Variants in SPATA16 observed in about 807,000 individuals in gnomAD.
The protein encoded by SPATA16 is spermatogenesis-associated protein 16.
SPATA16 carries 36 observed loss-of-function variants against 63.3 expected under a neutral mutation model. The ratio of observed to expected loss-of-function variants is 0.57; its 90% confidence interval spans 0.44 to 0.75. SPATA16 has a LOEUF of 0.75. Ranked by LOEUF, SPATA16 falls within the 30% of genes least tolerant of loss-of-function variation. SPATA16 has a pLI of 0.00. For missense variants in SPATA16, 646 were observed against 679.3 expected, an observed-to-expected ratio of 0.95 and a Z score of 0.54; for synonymous variants, 203 against 216.7, an observed-to-expected ratio of 0.94 and a Z score of 0.56.
At chr3:173,123,499 T>A (rs892834946) in intron 1 of SPATA16, among the ~76,000 whole-genome samples, 1 of 152,202 alleles carries the variant, frequency 6.6e-6, no homozygotes, top group Non-Finnish European at 1.5e-5. Flanking sequence ...ACTTTACTGC[T>A]GCTTTACTGG....
Position 173,130,358 on chromosome 3 carries a change from CAAAAAA to C in SPATA16, c.-19+10739_-19+10744del, listed in dbSNP as rs1202660573. 3.0e-3 allele frequency among the ~76,000 whole-genome samples: 119 copies of C among 39,906 alleles called. 1 individual carries two copies. The highest frequency in any genetic ancestry group is 0.012 in the Middle Eastern group (1 of 82). 26.2% of individuals were successfully genotyped at this position (39,906 alleles called of 152,430 possible). A position where few individuals can be genotyped will look rare whatever the true frequency, so the allele number is the denominator to read the frequency against. ...CTGGCGACAGAGTGAGACTTCGTCT[CAAAAAA>C]AAAAAAAAAAAAAAAAAAAGAAATT... On this transcript the variant is annotated intron_variant, in intron 1 of 10. Transcript: ENST00000351008.
chr3:172,892,753 A>G (rs1401717515), intron 10 of SPATA16, among the ~76,000 whole-genome samples: 3 of 152,262 alleles, frequency 2.0e-5, no homozygotes, highest in African/African-American at 7.2e-5. Context: ...ATGTAAGTAC[A>G]CAAGAAAGGA....
intron 8 of SPATA16, among the ~76,000 whole-genome samples, chr3:172,919,652 A>G (rs1732574576): frequency 1.3e-5 from 2 of 151,654 alleles, no homozygotes; most frequent in South Asian, 2.1e-4. Context: ...TTTGTACATT[A>G]TATGTTCATT....
chr3:173,059,298 A>T (rs1474448554), intron 2 of SPATA16, among the ~76,000 whole-genome samples: 44 of 132,904 alleles, frequency 3.3e-4, no homozygotes, highest in African/African-American at 5.3e-4. Flanking sequence ...TCCTCTTTTG[A>T]TTTCCTTAGG....
chr3:173,023,565 T>C (rs897061437), intron 3 of SPATA16, among the ~76,000 whole-genome samples: 5 of 151,956 alleles, frequency 3.3e-5, no homozygotes, highest in Admixed American at 2.6e-4. Context: ...GTGATTTTTA[T>C]TGGTATTAAA....
At chr3:172,929,838 G>A (rs545166650) in intron 6 of SPATA16, among the ~76,000 whole-genome samples, 1 of 152,094 alleles carries the variant, frequency 6.6e-6, no homozygotes, top group African/African-American at 2.4e-5. Context: ...AGTTAAAATA[G>A]AGCAAATATG....
intron 1 of SPATA16, among the ~76,000 whole-genome samples, chr3:173,139,947 G>A (rs979872211): frequency 5.9e-5 from 9 of 151,948 alleles, no homozygotes; most frequent in African/African-American, 1.7e-4. Flanking sequence ...AAGGCACCAC[G>A]GCACTCCAGC....
chr3:173,022,679 T>A (rs1166682998), intron 3 of SPATA16, among the ~76,000 whole-genome samples: 1 of 152,008 alleles, frequency 6.6e-6, no homozygotes. Flanking sequence ...TGTCATTTGA[T>A]GCCATTTGGA....
intron 2 of SPATA16, among the ~76,000 whole-genome samples, chr3:173,094,406 C>G (rs1737299207): frequency 6.6e-6 from 1 of 152,078 alleles, no homozygotes; most frequent in Non-Finnish European, 1.5e-5. Context: ...ATGTGAATTT[C>G]AAGCATATAG....
intron 4 of SPATA16, among the ~76,000 whole-genome samples, chr3:172,992,587 A>T (rs1021676574): frequency 2.6e-5 from 4 of 152,122 alleles, no homozygotes; most frequent in Non-Finnish European, 5.9e-5. Context: ...AGAAAAAAAT[A>T]TTCATGACGC....
intron 1 of SPATA16, among the ~76,000 whole-genome samples, chr3:173,127,144 C>T (rs1738247579): frequency 6.6e-6 from 1 of 152,126 alleles, no homozygotes; most frequent in Admixed American, 6.5e-5. Flanking sequence ...ACCTCTTGAT[C>T]ACATTTATAA....
chr3:173,140,068 A>C (rs1269991145), intron 1 of SPATA16, among the ~76,000 whole-genome samples: 1 of 152,174 alleles, frequency 6.6e-6, no homozygotes, highest in East Asian at 1.9e-4. Context: ...AGATCATTTT[A>C]AGGTTCTGTA....
chr3:173,058,000 C>T (rs1033824769), intron 2 of SPATA16, among the ~76,000 whole-genome samples: 6 of 151,970 alleles, frequency 3.9e-5, no homozygotes, highest in African/African-American at 1.5e-4. Context: ...TTAGATAATT[C>T]AGAAATTATA....
At chr3:173,038,833 A>G (rs985293249) in intron 3 of SPATA16, among the ~76,000 whole-genome samples, 1 of 152,142 alleles carries the variant, frequency 6.6e-6, no homozygotes, top group Non-Finnish European at 1.5e-5. Flanking sequence ...GAAATTTTCC[A>G]TTTGCAAAAC....
At chr3:172,939,708 C>T (rs181775235) in intron 6 of SPATA16, among the ~76,000 whole-genome samples, 110 of 152,318 alleles carry the variant, frequency 7.2e-4, no homozygotes, top group African/African-American at 2.5e-3. Flanking sequence ...GACACAGCTT[C>T]TAAAATGACT....
intron 2 of SPATA16, among the ~76,000 whole-genome samples, chr3:173,111,165 G>C (rs1737740980): frequency 6.6e-6 from 1 of 152,106 alleles, no homozygotes; most frequent in South Asian, 2.1e-4. Context: ...CTGCAAAATG[G>C]GGTGATAATA....
At chr3:173,109,467 G>A (rs1737697906) in intron 2 of SPATA16, among the ~76,000 whole-genome samples, 1 of 152,130 alleles carries the variant, frequency 6.6e-6, no homozygotes, top group South Asian at 2.1e-4. Context: ...AATTGCCTCA[G>A]ATATATCTCC....
At chr3:173,058,840 C>T (rs1736311308) in intron 2 of SPATA16, among the ~76,000 whole-genome samples, 1 of 151,948 alleles carries the variant, frequency 6.6e-6, no homozygotes. Context: ...CTTTATAAAA[C>T]AAACTGGAAA....
chr3:173,105,106 G>A (rs1737587472), intron 2 of SPATA16, among the ~76,000 whole-genome samples: 1 of 152,306 alleles, frequency 6.6e-6, no homozygotes, highest in East Asian at 1.9e-4. Flanking sequence ...TTTAACATGA[G>A]TCGTTGAAAC....
Sources: gnomAD v4.1 joint callset for allele counts (sites outside exome capture counted in the v4.1 genomes callset) on GRCh38, gnomAD v4.1.1 for gene constraint, MANE v1.5 for transcripts, NCBI Gene and HGNC (gene_info 2026-07-23, HGNC 2026-07-21) for gene names.